The following TRIM9 variants were observed in gnomAD, a reference collection of about 807,000 sequenced individuals.
TRIM9 encodes tripartite motif containing 9.
A neutral mutation model predicts 78.3 loss-of-function variants in TRIM9; 26 were observed. That is an observed-to-expected ratio of 0.33 (90% confidence interval 0.24 to 0.46). TRIM9 has a LOEUF of 0.46. Ranked by LOEUF, TRIM9 falls within the 20% of genes least tolerant of loss-of-function variation. The pLI is 1.00. For synonymous variants in TRIM9, 398 were observed against 416.5 expected, an observed-to-expected ratio of 0.96 and a Z score of 0.54; for missense variants, 787 against 1,036.4, an observed-to-expected ratio of 0.76 and a Z score of 3.30.
At chr14:51,040,622 G>T (rs566449656) in intron 1 of TRIM9, among the ~76,000 whole-genome samples, 2 of 152,292 alleles carry the variant, frequency 1.3e-5, no homozygotes, top group South Asian at 4.1e-4. Context: ...TTCAAATGCC[G>T]TAAAGCTTGT....
At chr14:51,039,608 T>G (rs1241767315) in intron 1 of TRIM9, among the ~76,000 whole-genome samples, 3 of 152,196 alleles carry the variant, frequency 2.0e-5, no homozygotes, top group Admixed American at 2.0e-4. Flanking sequence ...CCAGGTTGAC[T>G]GGCAAGTGTC....
chr14:51,038,632 G>A (rs1252958016), intron 1 of TRIM9, among the ~76,000 whole-genome samples: 1 of 152,128 alleles, frequency 6.6e-6, no homozygotes, highest in African/African-American at 2.4e-5. Context: ...GTTGAATTAA[G>A]GAACAAGAAT....
chr14:50,990,826 A>G (rs2053414249), intron 7 of TRIM9, among the ~76,000 whole-genome samples: 1 of 152,250 alleles, frequency 6.6e-6, no homozygotes, highest in Non-Finnish European at 1.5e-5. Flanking sequence ...TTTCAACTCA[A>G]TTATAAACCA....
intron 1 of TRIM9, among the ~76,000 whole-genome samples, chr14:51,025,952 G>A (rs549201501): frequency 6.6e-6 from 1 of 152,240 alleles, no homozygotes; most frequent in South Asian, 2.1e-4. Flanking sequence ...CTCCTCACTA[G>A]CCTCCGACAC....
chr14:51,038,210 G>C (rs927565820), intron 1 of TRIM9, among the ~76,000 whole-genome samples: 1 of 152,166 alleles, frequency 6.6e-6, no homozygotes, highest in Non-Finnish European at 1.5e-5. Flanking sequence ...GAGATGTGAT[G>C]ACAGAAGAAG....
intron 1 of TRIM9, among the ~76,000 whole-genome samples, chr14:51,087,519 C>A (rs76058763): frequency 6.0e-4 from 91 of 152,250 alleles, no homozygotes; most frequent in East Asian, 5.8e-3. Context: ...TGTGAGAACA[C>A]CCCAGGGGAA....
At chr14:50,989,754 C>T (rs532273300) in intron 7 of TRIM9, among the ~76,000 whole-genome samples, 75 of 152,254 alleles carry the variant, frequency 4.9e-4, no homozygotes, top group African/African-American at 1.7e-3. Context: ...GGACTGTGTT[C>T]GTAACGAATA....
rs369924677 is a variant in TRIM9, at chr14:51,066,924, T to C, written c.822+27194A>G. ...AAATTAGGCTTTCAGTTAGTTTACA[T>C]ACTAAATTAGTCTGCAGTTCCTTAC... is the stretch of plus-strand genomic sequence containing the variant. On this transcript the variant is annotated intron_variant, in intron 1 of 12. Transcript: ENST00000684578. Among the ~76,000 whole-genome samples the C allele has an allele frequency of 4.2e-4, 64 of 152,372 alleles. No homozygotes were observed. In the South Asian group the frequency reaches 0.013, roughly 32 times the overall value.
chr14:51,094,899 C>A lies in TRIM9; in HGVS notation c.41G>T (p.Gly14Val). The A allele has an allele frequency of 1.3e-6, 2 of 1,501,640 alleles. No individual in the cohort carries two copies. The allele number at this position is 1,501,640 out of a possible 1,614,324, so 93.0% of individuals were successfully genotyped here. A position where few individuals can be genotyped will look rare whatever the true frequency, so the allele number is the denominator to read the frequency against. ...GATGATGGGCTCCCGATAGAAGGAG[C>A]CGCACACGGGGCATTTCAACTCCTC... ...MEEELKCPVC[G>V]SFYREPIILP... The change falls in exon 1 of 13, where the codon GGC (glycine) becomes GTC (valine). Residue 14 changes from glycine (G) to valine (V), a missense_variant. This residue lies in a region of TRIM9 where 352 missense variants were observed against 472.3 expected (regional missense o/e 0.75). Coordinates refer to ENST00000684578, the MANE Select transcript of TRIM9 (RefSeq NM_001387360.1).
At chr14:51,077,430 T>C (rs1459373058) in intron 1 of TRIM9, among the ~76,000 whole-genome samples, 5 of 146,742 alleles carry the variant, frequency 3.4e-5, no homozygotes, top group African/African-American at 1.0e-4. Context: ...TCTTGCTCTG[T>C]TGTCCAGGCT....
intron 7 of TRIM9, among the ~76,000 whole-genome samples, chr14:50,994,242 C>T (rs758004356): frequency 4.6e-5 from 7 of 152,102 alleles, no homozygotes; most frequent in Non-Finnish European, 1.0e-4. Flanking sequence ...CACATCTCTA[C>T]AAAAAATTTA....
chr14:50,976,644 C>G lies in TRIM9; in HGVS notation c.*647G>C, dbSNP rs1329305160. 2.0e-5 allele frequency: 3 copies of G among 152,632 alleles called. No homozygotes were observed. The allele number at this position is 152,632 out of a possible 1,614,324, so 9.5% of individuals were successfully genotyped here. A position where few individuals can be genotyped will look rare whatever the true frequency, so the allele number is the denominator to read the frequency against. The stretch of plus-strand genomic sequence containing the variant: ...TACAGTGGCCAGGGTTCTGGCCTAT[C>G]CTAATTATAGAGCCATCCTAACGAT... On this transcript the variant is annotated 3_prime_UTR_variant, in exon 13 of 13. Transcript: ENST00000684578.
chr14:51,027,679 T>C (rs1365833036), intron 1 of TRIM9, among the ~76,000 whole-genome samples: 1 of 152,216 alleles, frequency 6.6e-6, no homozygotes, highest in Admixed American at 6.5e-5. Context: ...GCTACAATAT[T>C]ATTTGGAGTA....
chr14:51,080,536 T>TAA (rs34385335), intron 1 of TRIM9, among the ~76,000 whole-genome samples: 4 of 150,092 alleles, frequency 2.7e-5, no homozygotes, highest in African/African-American at 9.8e-5. Context: ...ATGTAAATAA[T>TAA]AAAAAAAAGG....
At chr14:51,062,738 C>T (rs965634656) in intron 1 of TRIM9, among the ~76,000 whole-genome samples, 2 of 152,166 alleles carry the variant, frequency 1.3e-5, no homozygotes, top group African/African-American at 2.4e-5. Flanking sequence ...ACCTGAAATG[C>T]TTGGCTAATC....
At chr14:50,990,360 C>T (rs914823652) in intron 7 of TRIM9, among the ~76,000 whole-genome samples, 6 of 152,276 alleles carry the variant, frequency 3.9e-5, no homozygotes, top group Middle Eastern at 3.4e-3. Context: ...CTATTGAACA[C>T]CTGTCATGTG....
chr14:51,002,424 G>A (rs947026210), intron 5 of TRIM9, among the ~76,000 whole-genome samples: 2 of 152,044 alleles, frequency 1.3e-5, no homozygotes, highest in South Asian at 4.2e-4. Flanking sequence ...ATGAGCCACC[G>A]TGCCCGGCTG....
chr14:51,045,367 A>G (rs1182354557), intron 1 of TRIM9, among the ~76,000 whole-genome samples: 4 of 152,236 alleles, frequency 2.6e-5, no homozygotes, highest in Admixed American at 2.6e-4. Flanking sequence ...TCTTATGACA[A>G]GACAGATTTC....
At chr14:51,059,600 C>T (rs2140143545) in intron 1 of TRIM9, among the ~76,000 whole-genome samples, 1 of 152,166 alleles carries the variant, frequency 6.6e-6, no homozygotes, top group African/African-American at 2.4e-5. Flanking sequence ...GAGTTCAAGA[C>T]CAGCCTGACC....
Sources: allele counts gnomAD v4.1 joint callset (sites outside exome capture counted in the v4.1 genomes callset), GRCh38; gene constraint gnomAD v4.1.1; regional missense constraint gnomAD v4.1.1; transcripts MANE v1.5; gene names NCBI Gene and HGNC (gene_info 2026-07-23, HGNC 2026-07-21).